Variants in SFXN1 observed in about 807,000 individuals in gnomAD.
SFXN1 encodes the protein sideroflexin-1.
SFXN1 carries 32 observed loss-of-function variants against 39.5 expected under a neutral mutation model. The observed-to-expected ratio is 0.81, with a 90% CI of 0.61 to 1.09. SFXN1 has a LOEUF of 1.09. SFXN1 is among the 50% of genes least tolerant of loss of function. The pLI, the probability that SFXN1 is intolerant of heterozygous loss-of-function variation, is 0.00. For synonymous variants in SFXN1, 136 were observed against 146.5 expected, an observed-to-expected ratio of 0.93 and a Z score of 0.52; for missense variants, 402 against 407.1, an observed-to-expected ratio of 0.99 and a Z score of 0.11.
At chr5:175,509,683 G>GT (rs956432167) in intron 3 of SFXN1, among the ~76,000 whole-genome samples, 14 of 152,224 alleles carry the variant, frequency 9.2e-5, no homozygotes, top group African/African-American at 3.4e-4. Context: ...ATAGATATAG[G>GT]TATAGGTATA....
chr5:175,514,058 G>A (rs1460161711), intron 7 of SFXN1, among the ~76,000 whole-genome samples: 3 of 152,122 alleles, frequency 2.0e-5, no homozygotes, highest in Non-Finnish European at 4.4e-5. Context: ...AAGCCAGGCA[G>A]GGTTTTGCAT....
chr5:175,479,670 C>A (rs534056770), intron 1 of SFXN1, among the ~76,000 whole-genome samples: 1 of 152,274 alleles, frequency 6.6e-6, no homozygotes, highest in African/African-American at 2.4e-5. Context: ...ATTGCCTGCA[C>A]CAAGAAGGCC....
At chr5:175,511,370 C>A in intron 4 of SFXN1, 81 bp from the exon 5 acceptor site, 1 of 1,048,174 alleles carries the variant, frequency 9.5e-7, no homozygotes, top group African/African-American at 1.6e-5. Flanking sequence ...TTATATTTCC[C>A]TTTTATTTCT....
chr5:175,488,646 T>G (rs1561653676), intron 1 of SFXN1, among the ~76,000 whole-genome samples: 1 of 152,220 alleles, frequency 6.6e-6, no homozygotes, highest in Non-Finnish European at 1.5e-5. Flanking sequence ...GCCTTTTCCC[T>G]CTGCCTGGAA....
intron 1 of SFXN1, among the ~76,000 whole-genome samples, chr5:175,486,966 TAGTG>T (rs1472503662): frequency 6.6e-6 from 1 of 152,196 alleles, no homozygotes; most frequent in African/African-American, 2.4e-5. Context: ...AAAATAGTGA[TAGTG>T]AGAATTATAG....
At chr5:175,486,986 A>AG (rs1197820018) in intron 1 of SFXN1, among the ~76,000 whole-genome samples, 1 of 152,240 alleles carries the variant, frequency 6.6e-6, no homozygotes, top group African/African-American at 2.4e-5. Context: ...TATAGTTAAA[A>AG]GGGAAGAGAG....
At position 175,527,442 on chromosome 5, in the gene SFXN1, A is replaced by G. The variant is rs1012168785; in HGVS notation, c.*708A>G. On this transcript the variant is annotated 3_prime_UTR_variant, in exon 11 of 11. Transcript: ENST00000321442. ...GTTTTTTGTTCTTATAAAGATGATAATCTTACCTTGCAGTTATTGACTTTA... is the reference window on the plus strand; with the variant it reads ...GTTTTTTGTTCTTATAAAGATGATAGTCTTACCTTGCAGTTATTGACTTTA... The G allele has an allele frequency of 6.6e-6, 1 of 152,214 alleles. No homozygotes were observed. Among genetic ancestry groups the G allele is most frequent in the African/African-American group, 2.4e-5 (1 of 41,434 alleles). The allele number at this position is 152,214 out of a possible 1,614,324, so 9.4% of individuals were successfully genotyped here. A position where few individuals can be genotyped will look rare whatever the true frequency, so the allele number is the denominator to read the frequency against.
chr5:175,493,412 C>T (rs1759737586), intron 2 of SFXN1, among the ~76,000 whole-genome samples: 1 of 152,182 alleles, frequency 6.6e-6, no homozygotes, highest in Non-Finnish European at 1.5e-5. Context: ...AGAAGTGACA[C>T]ATCAGAAGCA....
At chr5:175,503,724 C>T (rs527397341) in intron 2 of SFXN1, among the ~76,000 whole-genome samples, 12 of 152,280 alleles carry the variant, frequency 7.9e-5, no homozygotes, top group South Asian at 4.1e-4. Flanking sequence ...GAACCCTGGC[C>T]GGGCGTGGTG....
Position 175,510,193 on chromosome 5 carries a change from A to AC in SFXN1, c.424dup (p.Leu142ProfsTer5), listed in dbSNP as rs1188550760. Reference sequence around the variant, plus strand: ...ATTACACCAACAGAAGTGGAGACGCACCCCTCACTGTCAAGTAAGGCTACG... The same window carrying AC: ...ATTACACCAACAGAAGTGGAGACGCACCCCCTCACTGTCAAGTAAGGCTACG... On this transcript the variant is annotated frameshift_variant, in exon 4 of 11. Coordinates refer to ENST00000321442, the MANE Select transcript of SFXN1 (RefSeq NM_022754.7). LOFTEE classifies it high-confidence loss of function. The AC allele has an allele frequency of 6.2e-7, 1 of 1,611,450 alleles. No individual in the cohort carries two copies. Among genetic ancestry groups the AC allele is most frequent in the Admixed American group, 1.7e-5 (1 of 59,708 alleles).
intron 1 of SFXN1, among the ~76,000 whole-genome samples, chr5:175,478,854 G>A (rs569173154): frequency 6.6e-6 from 1 of 152,162 alleles, no homozygotes; most frequent in African/African-American, 2.4e-5. Flanking sequence ...TCCTGCGGCC[G>A]GACAACACCA....
intron 8 of SFXN1, among the ~76,000 whole-genome samples, chr5:175,517,629 G>C (rs1006766167): frequency 6.6e-6 from 1 of 152,144 alleles, no homozygotes; most frequent in African/African-American, 2.4e-5. Context: ...GTATATGTCG[G>C]TGTTGCATTT....
rs1318983276 is a variant in SFXN1 at position 175,492,083 on chromosome 5, G to C, written c.-9-12G>C. On this transcript the variant is annotated splice_polypyrimidine_tract_variant and intron_variant, in intron 1 of 10. Coordinates refer to ENST00000321442, the MANE Select transcript of SFXN1 (RefSeq NM_022754.7). ...AAGCCTTACACGAACTTGCCTTTTT[G>C]ACTCTTTGCAGTCCGGGACCATGTC... The C allele has an allele frequency of 6.3e-7, 1 of 1,589,304 alleles. No homozygotes were observed. Among genetic ancestry groups the C allele is most frequent in the Admixed American group, 1.9e-5 (1 of 53,750 alleles).
intron 1 of SFXN1, among the ~76,000 whole-genome samples, chr5:175,486,560 G>A (rs982391713): frequency 6.6e-6 from 1 of 152,090 alleles, no homozygotes; most frequent in Non-Finnish European, 1.5e-5. Flanking sequence ...CCGGGAGTTC[G>A]AGACCAGCCT....
chr5:175,502,595 T>C (rs1174100541), intron 2 of SFXN1, among the ~76,000 whole-genome samples: 4 of 152,016 alleles, frequency 2.6e-5, no homozygotes, highest in African/African-American at 7.3e-5. Context: ...ATCCCAGCAC[T>C]TGGGGAGGCG....
In SFXN1 at chr5:175,512,193, A is replaced by T; in HGVS notation, c.593A>T (p.Gln198Leu). 1.2e-6 allele frequency: 2 copies of T among 1,614,000 alleles called. No homozygotes were observed. The highest frequency in any genetic ancestry group is 1.7e-6 in the Non-Finnish European group (2 of 1,179,870). ...TGCATTAATATTCCATTAATGAGGC[A>T]AAGGTAAGACGAATATGCACTCTTA... Reference protein sequence around the residue: ...ANCINIPLMRQRELKVGIPVT... With the variant: ...ANCINIPLMRLRELKVGIPVT... The change falls in exon 6 of 11, where the codon CAA becomes CTA. Residue 198 changes from glutamine to leucine, a missense_variant. Coordinates refer to ENST00000321442, the MANE Select transcript of SFXN1 (RefSeq NM_022754.7).
At chr5:175,490,741 G>A (rs190442694) in intron 1 of SFXN1, among the ~76,000 whole-genome samples, 33 of 152,246 alleles carry the variant, frequency 2.2e-4, no homozygotes, top group Non-Finnish European at 3.5e-4. Flanking sequence ...TGCATAGACA[G>A]GGATAAGCAT....
At chr5:175,516,786 G>A (rs575823563) in intron 8 of SFXN1, 123 bp downstream of exon 8, 11 of 899,840 alleles carry the variant, frequency 1.2e-5, no homozygotes, top group East Asian at 5.4e-5. Context: ...GGGCTCTTAC[G>A]TAAATAAAAA....
At chr5:175,496,266 C>T (rs1050274590) in intron 2 of SFXN1, among the ~76,000 whole-genome samples, 2 of 151,234 alleles carry the variant, frequency 1.3e-5, no homozygotes, top group South Asian at 4.2e-4. Flanking sequence ...AATCCCAGCT[C>T]GGGAGGCTGA....
Sources: gnomAD v4.1 joint callset for allele counts (sites outside exome capture counted in the v4.1 genomes callset) on GRCh38, gnomAD v4.1.1 for gene constraint, MANE v1.5 for transcripts, NCBI Gene and HGNC (gene_info 2026-07-23, HGNC 2026-07-21) for gene names.